CHID1: variants seen among roughly 807,000 people sequenced by gnomAD.
The protein encoded by CHID1 is chitinase domain-containing protein 1.
CHID1 carries 44 observed loss-of-function variants against 55.4 expected under a neutral mutation model. The ratio of observed to expected loss-of-function variants is 0.79; its 90% CI spans 0.62 to 1.02. The LOEUF (loss-of-function observed/expected upper bound fraction) is 1.02. Among genes scored for constraint, CHID1 ranks in the 50% least tolerant of loss-of-function variants. The pLI, the probability that CHID1 is intolerant of heterozygous loss-of-function variation, is 0.00. For synonymous variants in CHID1, 216 were observed against 212.9 expected, an observed-to-expected ratio of 1.01 and a Z score of -0.13; for missense variants, 491 against 515.3, an observed-to-expected ratio of 0.95 and a Z score of 0.46.
intron 8 of CHID1, among the ~76,000 whole-genome samples, chr11:891,100 A>G (rs1166442731): frequency 6.9e-6 from 1 of 145,370 alleles, no homozygotes; most frequent in Non-Finnish European, 1.5e-5. Context: ...GGATGGGGGA[A>G]GGATAAACAG....
chr11:869,533 A>G lies in CHID1; in HGVS notation c.*325T>C. 2.3e-6 allele frequency: 1 copy of G among 438,946 alleles called. No homozygotes were observed. The highest frequency in any genetic ancestry group is 4.2e-6 in the Non-Finnish European group (1 of 240,714). The allele number at this position is 438,946 out of a possible 1,614,324, so 27.2% of individuals were successfully genotyped here. ...CTTCCAAACCCACATCCAGCCCAGG[A>G]TGTGAGAAGCAGCCCAGAAAGGCCT... On this transcript the variant is annotated 3_prime_UTR_variant, in exon 13 of 13. Coordinates refer to ENST00000323578, the MANE Select transcript of CHID1 (RefSeq NM_023947.4).
Position 904,837 on chromosome 11 carries a change from G to A in CHID1, c.-21C>T. Reference sequence around the variant, plus strand: ...CGCATGGTAGGTGTGTCACAGTAGGGTCCAACCTCGGGGTCCAGAGGGCTG... The same window carrying A: ...CGCATGGTAGGTGTGTCACAGTAGGATCCAACCTCGGGGTCCAGAGGGCTG... On this transcript the variant is annotated 5_prime_UTR_variant, in exon 2 of 13. Coordinates refer to ENST00000323578, the MANE Select transcript of CHID1 (RefSeq NM_023947.4). The A allele has an allele frequency of 6.2e-7, 1 of 1,613,422 alleles. No homozygotes were observed. Among genetic ancestry groups the A allele is most frequent in the African/African-American group, 1.3e-5 (1 of 75,032 alleles).
chr11:881,639 T>C (rs7103389), intron 10 of CHID1, among the ~76,000 whole-genome samples: 1,328 of 5,316 alleles, frequency 0.25, 359 homozygotes, highest in Middle Eastern at 0.75. Flanking sequence ...GGGCGGTAGG[T>C]TGGGTGGTGA....
At position 904,804 on chromosome 11, in the gene CHID1, A is replaced by C; in HGVS notation, c.13T>G (p.Phe5Val). 6.2e-7 allele frequency: 1 copy of C among 1,613,962 alleles called. No homozygotes were observed. Among genetic ancestry groups the C allele is most frequent in the Non-Finnish European group, 8.5e-7 (1 of 1,180,016 alleles). MRTL[F>V]NLLWLALACS... Reference sequence around the variant, plus strand: ...GCCAGGGCAAGCCAGAGGAGGTTGAAGAGTGTCCGCATGGTAGGTGTGTCA... The same window carrying C: ...GCCAGGGCAAGCCAGAGGAGGTTGACGAGTGTCCGCATGGTAGGTGTGTCA... Residue 5 changes from phenylalanine (F) to valine (V), a missense_variant, in exon 2 of 13, where the codon TTC (phenylalanine) becomes GTC (valine). Physicochemically the swap from Phe to Val is conservative, Grantham distance 50. Transcript: ENST00000323578.
rs1849779495 is a variant in CHID1 at position 879,908 on chromosome 11, A to T, written c.959+3240T>A. ...CCCAGAACCAGGCACCATGTCAGGG[A>T]TGTGGTAAGGTGGGGGACATGAGCT... On this transcript the variant is annotated intron_variant, in intron 10 of 12. Coordinates refer to ENST00000323578, the MANE Select transcript of CHID1 (RefSeq NM_023947.4). Among the ~76,000 whole-genome samples the T allele has an allele frequency of 2.0e-5, 3 of 152,168 alleles. No individual in the cohort carries two copies. In the South Asian group the frequency reaches 6.2e-4, roughly 32 times the overall value.
At chr11:909,071 A>T (rs1852444812) in intron 1 of CHID1, among the ~76,000 whole-genome samples, 1 of 152,128 alleles carries the variant, frequency 6.6e-6, no homozygotes, top group South Asian at 2.1e-4. Flanking sequence ...TTGACTTGCC[A>T]TGGAACTTTC....
chr11:870,841 T>TCTGTCCAGACCCCAGGTGAGAGG (rs1849130765), intron 10 of CHID1: 1 of 276,334 alleles, frequency 3.6e-6, no homozygotes, highest in Non-Finnish European at 7.1e-6. Context: ...GGCTCCTCAC[T>TCTGTCCAGACCCCAGGTGAGAGG]CTGTCCAGAC....
Position 869,861 on chromosome 11 carries a change from G to A in CHID1, c.1179C>T (p.Leu393=). Residue 393 remains leucine (L), a synonymous_variant, in exon 13 of 13, where the codon CTC becomes CTT. Transcript: ENST00000323578. ...CCGCGGAGGCCGCAATGCCCACCTAGAGCAGGTCGTAGAAGTAGTCCAGGC... is the reference window on the plus strand; with the variant it reads ...CCGCGGAGGCCGCAATGCCCACCTAAAGCAGGTCGTAGAAGTAGTCCAGGC... ...GQGLDYFYDL[L] 1 of 1,612,880 alleles carries A rather than the reference G, an allele frequency of 6.2e-7. No individual in the cohort carries two copies. Among genetic ancestry groups the A allele is most frequent in the African/African-American group, 1.3e-5 (1 of 75,048 alleles).
chr11:893,184 C>T (rs1164787917), intron 8 of CHID1, among the ~76,000 whole-genome samples: 1 of 152,228 alleles, frequency 6.6e-6, no homozygotes, highest in African/African-American at 2.4e-5. Context: ...GACTCCCCAA[C>T]CCAGCCTGCT....
chr11:894,391 C>G (rs1851102792), intron 7 of CHID1, among the ~76,000 whole-genome samples: 2 of 152,138 alleles, frequency 1.3e-5, no homozygotes. Flanking sequence ...TAGCCTCCCT[C>G]CTAGCACGGC....
In CHID1 at chr11:896,875, C is replaced by A. The variant is rs538002961; in HGVS notation, c.608+2465G>T. Among the ~76,000 whole-genome samples, 180 of 106,932 alleles carry A rather than the reference C, an allele frequency of 1.7e-3. 2 individuals carry two copies. The highest frequency in any genetic ancestry group is 0.01 in the South Asian group (31 of 2,994). The allele number at this position is 106,932 out of a possible 152,430, so 70.2% of individuals were successfully genotyped here. ...TGTCTCAGGGCCCCCAGACTCCACC[C>A]CAGACACGAGCCTGTCTCAGCACCC... is the stretch of plus-strand genomic sequence containing the variant. On this transcript the variant is annotated intron_variant, in intron 7 of 12. Transcript: ENST00000323578.
At chr11:887,900 T>G (rs988878037) in intron 8 of CHID1, among the ~76,000 whole-genome samples, 1 of 152,196 alleles carries the variant, frequency 6.6e-6, no homozygotes, top group African/African-American at 2.4e-5. Flanking sequence ...AAGGCCTTGG[T>G]AGGTGAGGCC....
rs1231784064 is a variant in CHID1 at position 909,709 on chromosome 11, TTG to T, written c.-44+1064_-44+1065del. Among the ~76,000 whole-genome samples, 3 of 152,366 alleles carry T rather than the reference TTG, an allele frequency of 2.0e-5. No homozygotes were observed. In the East Asian group the frequency reaches 5.8e-4, roughly 29 times the overall value. ...CTGACAACTCCTGTTCTGTTGTGTT[TTG>T]AAGAACTAACTGGTGCATGGCGGCT... On this transcript the variant is annotated intron_variant, in intron 1 of 12. Coordinates refer to ENST00000323578, the MANE Select transcript of CHID1 (RefSeq NM_023947.4).
chr11:874,785 G>C (rs1188373730), intron 10 of CHID1: 1 of 152,234 alleles, frequency 6.6e-6, no homozygotes, highest in Non-Finnish European at 1.5e-5. Context: ...CGGCTGCTAG[G>C]GCTGTCCTGG....
Position 893,428 on chromosome 11 carries a change from C to T in CHID1, c.700G>A (p.Gly234Arg), listed in dbSNP as rs1267678898. Residue 234 changes from glycine to arginine, a missense_variant and splice_region_variant, in exon 8 of 13, where the codon GGG becomes AGG. By Grantham distance (125) the Gly-to-Arg change is moderately radical. Transcript: ENST00000323578. ...LLVIPPAITPGTDQLGMFTHK... is the reference protein window; with the variant it reads ...LLVIPPAITPRTDQLGMFTHK... ...CCACATCTCAAGAGCGGCACTTACC[C>T]GGGGGTGATGGCAGGCGGGATGACC... The T allele has an allele frequency of 7.7e-6, 12 of 1,549,350 alleles. No individual in the cohort carries two copies. The highest frequency in any genetic ancestry group is 8.7e-6 in the Non-Finnish European group (10 of 1,146,546).
intron 1 of CHID1, among the ~76,000 whole-genome samples, chr11:910,377 C>T (rs1365815874): frequency 6.6e-6 from 1 of 152,138 alleles, no homozygotes; most frequent in Non-Finnish European, 1.5e-5. Flanking sequence ...ACACGAGCCG[C>T]GCGCTCACAC....
rs199772507 is a variant in CHID1, at chr11:902,211, G to C, written c.381C>G (p.His127Gln). Residue 127 changes from histidine (H) to glutamine (Q), a missense_variant, in exon 4 of 13, where the codon CAC becomes CAG. Coordinates refer to ENST00000323578, the MANE Select transcript of CHID1 (RefSeq NM_023947.4). Reference sequence around the variant, plus strand: ...AAGGATGAGAACCTTGGTCCACGTCGTGGAGGCCCGTGACCTCAAACATCT... The same window carrying C: ...AAGGATGAGAACCTTGGTCCACGTCCTGGAGGCCCGTGACCTCAAACATCT... ...GREMFEVTGLHDVDQGWMRAV... is the reference protein window; with the variant it reads ...GREMFEVTGLQDVDQGWMRAV... 4 of 1,613,932 alleles carry C rather than the reference G, an allele frequency of 2.5e-6. No individual in the cohort carries two copies. In the South Asian group the frequency reaches 3.3e-5, roughly 13 times the overall value.
At position 902,307 on chromosome 11, in the gene CHID1, G is replaced by T; in HGVS notation, c.285C>A (p.Val95=). The T allele has an allele frequency of 6.2e-7, 1 of 1,613,576 alleles. No individual in the cohort carries two copies. The highest frequency in any genetic ancestry group is 8.5e-7 in the Non-Finnish European group (1 of 1,179,578). ...VTPWNSHGYD[V]TKVFGSKFTQ... ...TGAACTTGCTCCCAAAGACCTTGGT[G>T]ACATCGTAGCCATGGCTGTTCCACT... The change falls in exon 4 of 13, where the codon GTC becomes GTA. Residue 95 remains valine (V), a synonymous_variant. Coordinates refer to ENST00000323578, the MANE Select transcript of CHID1 (RefSeq NM_023947.4).
At position 899,380 on chromosome 11, in the gene CHID1, C is replaced by T. The variant is rs148078031; in HGVS notation, c.568G>A (p.Val190Met). 4.4e-5 allele frequency: 70 copies of T among 1,604,044 alleles called. No individual in the cohort carries two copies. Among genetic ancestry groups the T allele is most frequent in the African/African-American group, 1.1e-4 (8 of 74,840 alleles). The change falls in exon 7 of 13, where the codon GTG becomes ATG. Residue 190 changes from valine (V) to methionine (M), a missense_variant. Transcript: ENST00000323578. ...AGCAGCTGGTTCCAGACCTCCACCACGAAGCCATCGAAATGCTGGTTCTGA... is the reference window on the plus strand; with the variant it reads ...AGCAGCTGGTTCCAGACCTCCACCATGAAGCCATCGAAATGCTGGTTCTGA... ...VAKNQHFDGF[V>M]VEVWNQLLSQ... is the part of the protein sequence containing the mutation.
Sources: gnomAD v4.1 joint callset for allele counts (sites outside exome capture counted in the v4.1 genomes callset) on GRCh38, gnomAD v4.1.1 for gene constraint, MANE v1.5 for transcripts, NCBI Gene and HGNC (gene_info 2026-07-23, HGNC 2026-07-21) for gene names.